TKTL1: variants seen among roughly 807,000 people sequenced by gnomAD.
The protein encoded by TKTL1 is transketolase like 1.
In TKTL1, 1 loss-of-function variant was observed where a neutral mutation model predicts 39.3. The ratio of observed to expected loss-of-function variants is 0.03; its 90% confidence interval spans 0.01 to 0.12. TKTL1 has a LOEUF of 0.12. TKTL1 is among the 10% of genes least tolerant of loss of function. TKTL1 has a pLI of 1.00. For synonymous variants in TKTL1, 262 were observed against 193.8 expected, an observed-to-expected ratio of 1.35 and a Z score of -2.92; for missense variants, 575 against 509.6, an observed-to-expected ratio of 1.13 and a Z score of -1.24.
At chrX:154,314,156 G>A (rs2067379203) in intron 6 of TKTL1, among the ~76,000 whole-genome samples, 1 of 111,044 alleles carries the variant, frequency 9.0e-6, no homozygotes, top group Non-Finnish European at 1.9e-5. Flanking sequence ...GGTTATATAA[G>A]ACTGACTCAT....
At chrX:154,317,938 G>A (rs1177961150) in intron 7 of TKTL1, among the ~76,000 whole-genome samples, 2 of 112,021 alleles carry the variant, frequency 1.8e-5, no homozygotes, top group South Asian at 3.7e-4. Context: ...ATGTACAGAG[G>A]GGAGACAGTG....
chrX:154,314,056 AG>A (rs2067378293), intron 6 of TKTL1, among the ~76,000 whole-genome samples: 2 of 111,738 alleles, frequency 1.8e-5, no homozygotes, highest in African/African-American at 6.5e-5. Flanking sequence ...TGACTAAAAG[AG>A]GTATAAAAAC....
intron 10 of TKTL1, chrX:154,327,152 C>T: frequency 4.0e-6 from 1 of 249,655 alleles, no homozygotes; most frequent in South Asian, 4.1e-5. Flanking sequence ...TGCCCTGGGC[C>T]ACTTCCTCCT....
intron 8 of TKTL1, among the ~76,000 whole-genome samples, chrX:154,321,892 T>G (rs1557170932): frequency 9.2e-6 from 1 of 109,086 alleles, no homozygotes; most frequent in Non-Finnish European, 1.9e-5. Context: ...GCGGCAGTGT[T>G]GCAGGGGCAG....
intron 8 of TKTL1, 28 bp downstream of exon 8, chrX:154,320,941 G>A (rs782656232): frequency 8.4e-7 from 1 of 1,196,498 alleles, no homozygotes; most frequent in Non-Finnish European, 1.1e-6. Context: ...CATCATCTTG[G>A]TAGCCTTCCT....
Position 154,295,987 on chromosome X carries a change from G to C in TKTL1, c.128G>C (p.Ser43Thr), listed in dbSNP as rs782018424. 4.1e-6 allele frequency: 5 copies of C among 1,209,615 alleles called. No homozygotes were observed. Among genetic ancestry groups the C allele is most frequent in the East Asian group, 3.0e-5 (1 of 33,763 alleles). Residue 43 changes from serine to threonine, a missense_variant, in exon 1 of 13, where the codon AGC (serine) becomes ACC (threonine). Ser to Thr is a moderately conservative substitution (Grantham distance 58). Coordinates refer to ENST00000369915, the MANE Select transcript of TKTL1 (RefSeq NM_012253.4). ...TCCATCAGGGCCACATGCTCCACGA[G>C]CTCCGGGTAAGTTCTCCTCATTGAA... The part of the protein sequence containing the change: ...IHSIRATCST[S>T]SGHPTSCSSS...
chrX:154,328,681 C>T (rs967949912), intron 12 of TKTL1, among the ~76,000 whole-genome samples: 1 of 108,122 alleles, frequency 9.2e-6, no homozygotes, highest in Non-Finnish European at 1.9e-5. Context: ...AGTGTTTGCG[C>T]CTGGAAAGGT....
intron 9 of TKTL1, among the ~76,000 whole-genome samples, chrX:154,324,263 G>A (rs1603354888): frequency 9.0e-6 from 1 of 110,993 alleles, no homozygotes; most frequent in African/African-American, 3.3e-5. Context: ...TCAGCCTCCT[G>A]AGTAGCTGCG....
chrX:154,327,715 GT>G, intron 11 of TKTL1, 28 bp downstream of exon 11: 1 of 1,202,020 alleles, frequency 8.3e-7, no homozygotes, highest in Non-Finnish European at 1.1e-6. Flanking sequence ...GAGCATTGAA[GT>G]TCAAGCTGGG....
intron 1 of TKTL1, 97 bp downstream of exon 1, chrX:154,296,090 T>G (rs1233729997): frequency 1.9e-6 from 2 of 1,073,014 alleles, no homozygotes; most frequent in Non-Finnish European, 2.5e-6. Flanking sequence ...GGGAGAGCCT[T>G]CAGAGGCACA....
At chrX:154,323,759 G>A (rs931117846) in intron 9 of TKTL1, among the ~76,000 whole-genome samples, 2 of 112,586 alleles carry the variant, frequency 1.8e-5, no homozygotes, top group Non-Finnish European at 3.8e-5. Flanking sequence ...GCTGGAGAGC[G>A]GGTGGTAGGC....
At chrX:154,312,370 G>A (rs1301914997) in intron 5 of TKTL1, among the ~76,000 whole-genome samples, 3 of 111,833 alleles carry the variant, frequency 2.7e-5, no homozygotes, top group South Asian at 3.6e-4. Flanking sequence ...GAGTCATAGC[G>A]TGAGACCCCT....
intron 2 of TKTL1, among the ~76,000 whole-genome samples, chrX:154,306,133 TC>T (rs2067313013): frequency 9.7e-6 from 1 of 103,026 alleles, no homozygotes; most frequent in Non-Finnish European, 1.9e-5. Context: ...ATAGCAAAAC[TC>T]CGTCTCCACT....
At chrX:154,321,443 C>T (rs1557170796) in intron 8 of TKTL1, among the ~76,000 whole-genome samples, 1 of 92,618 alleles carries the variant, frequency 1.1e-5, no homozygotes, top group Non-Finnish European at 2.0e-5. Flanking sequence ...AGAAGGAAAC[C>T]ACAGGAAACG....
chrX:154,323,411 C>CTT, intron 9 of TKTL1, 74 bp downstream of exon 9: 1 of 1,077,197 alleles, frequency 9.3e-7, no homozygotes, highest in African/African-American at 1.9e-5. Flanking sequence ...GATGATTGGA[C>CTT]TTTTTTTTCT....
At chrX:154,309,592 C>A in intron 3 of TKTL1, 150 bp downstream of exon 3, 1 of 497,273 alleles carries the variant, frequency 2.0e-6, no homozygotes, top group East Asian at 3.5e-5. Context: ...GGAAGGCCTT[C>A]CCTGTGCCTT....
intron 10 of TKTL1, among the ~76,000 whole-genome samples, chrX:154,326,828 C>T (rs1400129768): frequency 7.1e-5 from 8 of 112,396 alleles, no homozygotes; most frequent in South Asian, 3.6e-4. Flanking sequence ...TGGCATGGAT[C>T]GTTAAAGGGC....
chrX:154,323,065 C>T, intron 8 of TKTL1, 142 bp from the exon 9 acceptor site: 3 of 713,826 alleles, frequency 4.2e-6, no homozygotes, highest in Non-Finnish European at 6.2e-6. Context: ...GAGGATGCAG[C>T]GGGACCATTT....
chrX:154,304,914 C>T (rs1191931229), intron 1 of TKTL1: 5 of 798,063 alleles, frequency 6.3e-6, no homozygotes, highest in Admixed American at 3.2e-5. Context: ...CGTTCACTTC[C>T]TAAAAGAAAT....
Sources: allele counts gnomAD v4.1 joint callset (sites outside exome capture counted in the v4.1 genomes callset), GRCh38; gene constraint gnomAD v4.1.1; transcripts MANE v1.5; gene names NCBI Gene and HGNC (gene_info 2026-07-23, HGNC 2026-07-21).